The following RADX variants were observed in gnomAD, a reference collection of about 807,000 sequenced individuals.
RADX encodes RPA1 related single stranded DNA binding protein, X-linked.
A neutral mutation model predicts 61.6 loss-of-function variants in RADX; 36 were observed. The ratio of observed to expected loss-of-function variants is 0.58; its 90% confidence interval spans 0.45 to 0.77. The LOEUF (loss-of-function observed/expected upper bound fraction) is 0.77. RADX is among the 30% of genes least tolerant of loss of function. The pLI, the probability that RADX is intolerant of heterozygous loss-of-function variation, is 0.00. For synonymous variants in RADX, 272 were observed against 237.9 expected (o/e 1.14, Z -1.32); for missense variants, 497 against 651.1 (o/e 0.76, Z 2.58).
In RADX at chrX:106,639,209, A is replaced by C. The variant is rs1244586311; in HGVS notation, c.1574-318A>C. ...AGCAATATGTAATAGTGTTTGAAAT[A>C]ATTAAAATGTGTTTTTCTATGCAGT... On this transcript the variant is annotated intron_variant, in intron 8 of 13. Coordinates refer to ENST00000372548, the MANE Select transcript of RADX (RefSeq NM_018015.6). 3 of 161,323 alleles carry C rather than the reference A, an allele frequency of 1.9e-5. No homozygotes were observed. The East Asian group carries it at 4.2e-4, about 23-fold the overall frequency. 13.3% of individuals were successfully genotyped at this position (161,323 alleles called of 1,213,427 possible).
At chrX:106,668,315 A>G (rs1433234556) in intron 12 of RADX, among the ~76,000 whole-genome samples, 1 of 111,716 alleles carries the variant, frequency 9.0e-6, no homozygotes, top group Non-Finnish European at 1.9e-5. Flanking sequence ...GAAAGACCGA[A>G]AAGGAGGAGT....
At chrX:106,629,345 A>G (rs1927154189) in intron 3 of RADX, among the ~76,000 whole-genome samples, 1 of 111,995 alleles carries the variant, frequency 8.9e-6, no homozygotes, top group Non-Finnish European at 1.9e-5. Flanking sequence ...TTGCTTGCTT[A>G]TATATGAATA....
intron 2 of RADX, 133 bp downstream of exon 2, chrX:106,622,926 G>A (rs147871221): frequency 0.032 from 11,691 of 370,106 alleles, 167 homozygotes; most frequent in Middle Eastern, 0.061. Flanking sequence ...TTAAATGTAC[G>A]TAAATGTATA....
chrX:106,652,863 G>C (rs1249129408), intron 11 of RADX, among the ~76,000 whole-genome samples: 1 of 108,793 alleles, frequency 9.2e-6, no homozygotes, highest in African/African-American at 3.3e-5. Context: ...GAGCATGCCT[G>C]TATTACCAGT....
At chrX:106,666,719 G>T (rs1033913917) in intron 12 of RADX, among the ~76,000 whole-genome samples, 2 of 111,227 alleles carry the variant, frequency 1.8e-5, no homozygotes, top group Admixed American at 1.9e-4. Flanking sequence ...TGCATTTTAC[G>T]GTAAAGGAAA....
intron 11 of RADX, among the ~76,000 whole-genome samples, chrX:106,659,392 A>G (rs1223594444): frequency 8.9e-6 from 1 of 112,199 alleles, no homozygotes; most frequent in East Asian, 2.8e-4. Context: ...TACGACCTAA[A>G]TGTAAATGTT....
At chrX:106,661,165 G>T (rs1407493949) in intron 11 of RADX, among the ~76,000 whole-genome samples, 3 of 110,581 alleles carry the variant, frequency 2.7e-5, no homozygotes, top group African/African-American at 9.9e-5. Flanking sequence ...ATATCAATAA[G>T]GGATAAATTA....
chrX:106,651,384 A>C (rs1927790200), intron 11 of RADX, among the ~76,000 whole-genome samples: 1 of 111,559 alleles, frequency 9.0e-6, no homozygotes, highest in Admixed American at 9.6e-5. Context: ...ACGGTGAAAT[A>C]AAGATATTTT....
chrX:106,614,290 G>A (rs1055918935), intron 1 of RADX, among the ~76,000 whole-genome samples: 5 of 111,440 alleles, frequency 4.5e-5, no homozygotes, highest in African/African-American at 1.3e-4. Flanking sequence ...AATTAATGTC[G>A]CATTGTGTGA....
rs1274746737 is a variant in RADX, at chrX:106,632,044, C to G, written c.980-581C>G. Among the ~76,000 whole-genome samples, 3 of 111,102 alleles carry G rather than the reference C, an allele frequency of 2.7e-5. No homozygotes were observed. The East Asian group carries it at 8.6e-4, about 32-fold the overall frequency. ...AGCATTTTTGCACCTACATATAATACCTTAGAAAAACAGTTGCCTGTGTGC... is the reference window on the plus strand; with the variant it reads ...AGCATTTTTGCACCTACATATAATAGCTTAGAAAAACAGTTGCCTGTGTGC... On this transcript the variant is annotated intron_variant, in intron 3 of 13. Coordinates refer to ENST00000372548, the MANE Select transcript of RADX (RefSeq NM_018015.6).
chrX:106,643,074 A>G (rs1373828063), intron 10 of RADX, among the ~76,000 whole-genome samples: 1 of 111,037 alleles, frequency 9.0e-6, no homozygotes, highest in Non-Finnish European at 1.9e-5. Flanking sequence ...CATTTCTCTG[A>G]TGATCAGTGA....
In RADX at chrX:106,637,802, A is replaced by T; in HGVS notation, c.1451A>T (p.Asn484Ile). Reference sequence around the variant, plus strand: ...TATACGTATGATGCCAAGGTAAAAAACTTTATTCAATGGATTAGAACAAAG... The same window carrying T: ...TATACGTATGATGCCAAGGTAAAAATCTTTATTCAATGGATTAGAACAAAG... ...QPYTYDAKVK[N>I]FIQWIRTKSD... The change falls in exon 8 of 14, where the codon AAC (asparagine) becomes ATC (isoleucine). Residue 484 changes from asparagine (N) to isoleucine (I), a missense_variant. Asn to Ile is a moderately radical substitution (Grantham distance 149). This residue lies in a region of RADX where 267 missense variants were observed against 306.9 expected (regional missense o/e 0.87). Transcript: ENST00000372548. 1 of 1,209,644 alleles carries T rather than the reference A, an allele frequency of 8.3e-7. No homozygotes were observed. Among genetic ancestry groups the T allele is most frequent in the Non-Finnish European group, 1.1e-6 (1 of 894,140 alleles).
chrX:106,668,931 T>G (rs968843080), intron 12 of RADX, among the ~76,000 whole-genome samples: 8 of 112,294 alleles, frequency 7.1e-5, no homozygotes, highest in African/African-American at 1.9e-4. Context: ...GGAAACCTTT[T>G]GAACTGTTAT....
At chrX:106,629,269 C>T (rs1274790476) in intron 3 of RADX, among the ~76,000 whole-genome samples, 1 of 111,406 alleles carries the variant, frequency 9.0e-6, no homozygotes, top group East Asian at 2.8e-4. Context: ...TTAAGTGATA[C>T]TATGACAATG....
In RADX at chrX:106,633,094, G is replaced by C. The variant is rs746708357; in HGVS notation, c.1181-36G>C. 12 of 1,175,426 alleles carry C rather than the reference G, an allele frequency of 1.0e-5. No homozygotes were observed. The Admixed American group carries it at 2.7e-4, about 26-fold the overall frequency. Reference sequence around the variant, plus strand: ...ATTTTGTGTTCATATGTATATAACAGTTACCTTCATTTATTTTAATATTCT... The same window carrying C: ...ATTTTGTGTTCATATGTATATAACACTTACCTTCATTTATTTTAATATTCT... On this transcript the variant is annotated intron_variant, in intron 5 of 13. Coordinates refer to ENST00000372548, the MANE Select transcript of RADX (RefSeq NM_018015.6).
intron 3 of RADX, among the ~76,000 whole-genome samples, chrX:106,626,874 C>CT (rs774885898): frequency 2.5e-3 from 276 of 111,404 alleles, no homozygotes; most frequent in African/African-American, 8.8e-3. Flanking sequence ...CTTTTGCCCT[C>CT]TTTTTTTAGG....
At chrX:106,626,730 T>C (rs373583108) in intron 3 of RADX, among the ~76,000 whole-genome samples, 1 of 112,356 alleles carries the variant, frequency 8.9e-6, no homozygotes, top group South Asian at 3.7e-4. Context: ...TAAAACAGTT[T>C]TACTTCTTAG....
At chrX:106,645,546 T>G (rs973278815) in intron 10 of RADX, among the ~76,000 whole-genome samples, 2 of 111,920 alleles carry the variant, frequency 1.8e-5, no homozygotes, top group East Asian at 5.6e-4. Context: ...TTAATTTCTA[T>G]GTATTTGTAT....
At chrX:106,661,364 T>G (rs750169268) in intron 11 of RADX, among the ~76,000 whole-genome samples, 161 of 100,983 alleles carry the variant, frequency 1.6e-3, no homozygotes, top group African/African-American at 6.8e-3. Context: ...GTTTTGTTTT[T>G]TTTTCTTGTT....
Sources: gnomAD v4.1 joint callset for allele counts (sites outside exome capture counted in the v4.1 genomes callset) on GRCh38, gnomAD v4.1.1 for gene constraint, gnomAD v4.1.1 regional missense constraint, MANE v1.5 for transcripts, NCBI Gene and HGNC (gene_info 2026-07-23, HGNC 2026-07-21) for gene names.